Variants in LHX4 observed in about 807,000 individuals in gnomAD.
LHX4 encodes the protein LIM homeobox 4, also known as LIM/homeobox protein Lhx4.
A neutral mutation model predicts 39.2 loss-of-function variants in LHX4; 16 were observed. The observed-to-expected ratio is 0.41, with a 90% confidence interval of 0.28 to 0.62. The LOEUF (loss-of-function observed/expected upper bound fraction) is 0.62. LHX4 is among the 20% of genes least tolerant of loss of function. The probability of loss-of-function intolerance (pLI) is 0.33; values close to 1 mark genes in which losing one functional copy is unlikely to be tolerated. For synonymous variants in LHX4, 206 were observed against 198.1 expected (o/e 1.04, Z -0.33); for missense variants, 439 against 511.9 (o/e 0.86, Z 1.37).
At chr1:180,256,336 G>A (rs970332672) in intron 2 of LHX4, among the ~76,000 whole-genome samples, 1 of 152,196 alleles carries the variant, frequency 6.6e-6, no homozygotes, top group African/African-American at 2.4e-5. Flanking sequence ...GGTCACACCA[G>A]GGTCCCATTA....
chr1:180,248,514 T>C (rs1272479469), intron 2 of LHX4, 58 bp downstream of exon 2: 7 of 1,591,530 alleles, frequency 4.4e-6, no homozygotes, highest in Middle Eastern at 2.0e-4. Flanking sequence ...CCCCAAGCAG[T>C]GAGGGGGAAG....
At chr1:180,239,513 T>G (rs1664401665) in intron 1 of LHX4, among the ~76,000 whole-genome samples, 1 of 152,216 alleles carries the variant, frequency 6.6e-6, no homozygotes, top group South Asian at 2.1e-4. Flanking sequence ...GAAATACATA[T>G]TGGCCAAATG....
At chr1:180,271,654 G>A in intron 4 of LHX4, 120 bp downstream of exon 4, 1 of 1,408,378 alleles carries the variant, frequency 7.1e-7, no homozygotes, top group Non-Finnish European at 1.0e-6. Context: ...CAGGGCTTTT[G>A]CCAGAACTGA....
intron 2 of LHX4, among the ~76,000 whole-genome samples, chr1:180,261,119 C>CAGTG (rs1315851981): frequency 6.6e-6 from 1 of 151,824 alleles, no homozygotes; most frequent in Non-Finnish European, 1.5e-5. Flanking sequence ...TGGCTGGGCA[C>CAGTG]AGTGGCTCAC....
At chr1:180,257,385 G>A (rs555360887) in intron 2 of LHX4, among the ~76,000 whole-genome samples, 48 of 152,340 alleles carry the variant, frequency 3.2e-4, no homozygotes, top group African/African-American at 1.0e-3. Context: ...CTGTTCCCAT[G>A]GGCTGGGAGG....
intron 1 of LHX4, among the ~76,000 whole-genome samples, chr1:180,240,507 G>C (rs1664422345): frequency 6.6e-6 from 1 of 152,134 alleles, no homozygotes; most frequent in Non-Finnish European, 1.5e-5. Context: ...CTCTTTAGTG[G>C]AATTTTTTTT....
intron 1 of LHX4, among the ~76,000 whole-genome samples, chr1:180,239,263 T>G (rs1414676150): frequency 6.6e-6 from 1 of 152,246 alleles, no homozygotes; most frequent in Non-Finnish European, 1.5e-5. Flanking sequence ...TTCCCAAGCC[T>G]GCCTTTAGAA....
chr1:180,270,901 G>A (rs777727712), intron 3 of LHX4: 7 of 235,676 alleles, frequency 3.0e-5, no homozygotes, highest in African/African-American at 6.7e-5. Context: ...TGAGCCCAGC[G>A]ACGCCAGGGC....
intron 5 of LHX4, 110 bp from the exon 6 acceptor site, chr1:180,274,075 C>T (rs1337045111): frequency 7.2e-7 from 1 of 1,386,884 alleles, no homozygotes; most frequent in African/African-American, 1.4e-5. Context: ...TGCAAGGCAG[C>T]TGCCATCCTT....
chr1:180,262,847 G>A (rs1289129713), intron 2 of LHX4, among the ~76,000 whole-genome samples: 1 of 152,190 alleles, frequency 6.6e-6, no homozygotes, highest in Non-Finnish European at 1.5e-5. Context: ...TGCCTACTAT[G>A]TGCTGGGCAG....
intron 2 of LHX4, among the ~76,000 whole-genome samples, chr1:180,263,755 G>A (rs7528949): frequency 0.58 from 88,421 of 152,012 alleles, 26,022 homozygotes; most frequent in East Asian, 0.87. Flanking sequence ...GCTGGTGTCA[G>A]CTGGGCCTCC....
At chr1:180,259,409 G>A (rs12137243) in intron 2 of LHX4, among the ~76,000 whole-genome samples, 7,859 of 151,604 alleles carry the variant, frequency 0.052, 381 homozygotes, top group African/African-American at 0.11. Flanking sequence ...GTCTCATTAC[G>A]TGAGAAGGAA....
At chr1:180,236,240 A>G (rs1337583724) in intron 1 of LHX4, among the ~76,000 whole-genome samples, 1 of 152,084 alleles carries the variant, frequency 6.6e-6, no homozygotes, top group Non-Finnish European at 1.5e-5. Context: ...CAGCAAAGCA[A>G]TTTCTTTCCA....
chr1:180,250,352 C>T (rs970796081), intron 2 of LHX4, among the ~76,000 whole-genome samples: 2 of 138,544 alleles, frequency 1.4e-5, no homozygotes, highest in Admixed American at 7.1e-5. Flanking sequence ...TGTGTGTGCG[C>T]GCGTGGGTTG....
chr1:180,256,073 C>T (rs1647844002), intron 2 of LHX4, among the ~76,000 whole-genome samples: 1 of 152,222 alleles, frequency 6.6e-6, no homozygotes, highest in Non-Finnish European at 1.5e-5. Flanking sequence ...ATTCAGGTGC[C>T]ATGCCATGGG....
intron 1 of LHX4, among the ~76,000 whole-genome samples, chr1:180,246,461 C>T (rs1374223443): frequency 6.6e-6 from 1 of 152,172 alleles, no homozygotes; most frequent in African/African-American, 2.4e-5. Flanking sequence ...CCTGTAATCC[C>T]AGCATTTTGG....
Position 180,276,115 on chromosome 1 carries a change from AT to A in LHX4, c.*1538del, listed in dbSNP as rs1381480567. The stretch of plus-strand genomic sequence containing the variant: ...CTGTGTTTGCTTCTTCTGGCCTCCC[AT>A]TCTCTTAAATGAGATCAGCAGAGTA... On this transcript the variant is annotated 3_prime_UTR_variant, in exon 6 of 6. Transcript: ENST00000263726. 2 of 152,148 alleles carry A rather than the reference AT, an allele frequency of 1.3e-5. No homozygotes were observed. The highest frequency in any genetic ancestry group is 6.5e-5 in the Admixed American group (1 of 15,278). The allele number at this position is 152,148 out of a possible 1,614,324, so 9.4% of individuals were successfully genotyped here. A position where few individuals can be genotyped will look rare whatever the true frequency, so the allele number is the denominator to read the frequency against.
At chr1:180,241,375 G>C (rs1664441845) in intron 1 of LHX4, among the ~76,000 whole-genome samples, 1 of 152,164 alleles carries the variant, frequency 6.6e-6, no homozygotes, top group African/African-American at 2.4e-5. Context: ...GTTGAGGGAG[G>C]GAAAAGGTAT....
Position 180,274,359 on chromosome 1 carries a change from C to T in LHX4, c.953C>T (p.Ser318Leu), listed in dbSNP as rs766990314. 35 of 1,614,106 alleles carry T rather than the reference C, an allele frequency of 2.2e-5. No homozygotes were observed. Among genetic ancestry groups the T allele is most frequent in the East Asian group, 4.5e-5 (2 of 44,886 alleles). The part of the protein sequence containing the change: ...YGIPQSPSSI[S>L]SLPSHAPLLN... ...ATCCCCCAGTCTCCATCCTCCATATCGTCCCTGCCATCCCACGCTCCTTTG... is the reference window on the plus strand; with the variant it reads ...ATCCCCCAGTCTCCATCCTCCATATTGTCCCTGCCATCCCACGCTCCTTTG... The change falls in exon 6 of 6, where the codon TCG becomes TTG. Residue 318 changes from serine (S) to leucine (L), a missense_variant. Ser to Leu is a moderately radical substitution (Grantham distance 145). Coordinates refer to ENST00000263726, the MANE Select transcript of LHX4 (RefSeq NM_033343.4).
Sources: allele counts gnomAD v4.1 joint callset (sites outside exome capture counted in the v4.1 genomes callset), GRCh38; gene constraint gnomAD v4.1.1; transcripts MANE v1.5; gene names NCBI Gene and HGNC (gene_info 2026-07-23, HGNC 2026-07-21).